The following DENND2B variants were observed in gnomAD, a reference collection of about 807,000 sequenced individuals.
DENND2B encodes the protein DENN domain-containing protein 2B.
DENND2B carries 32 observed loss-of-function variants against 116.0 expected under a neutral mutation model. That is an observed-to-expected ratio of 0.28 (90% CI 0.21 to 0.37). The LOEUF is 0.37. DENND2B is among the 10% of genes least tolerant of loss of function. The pLI is 1.00. For synonymous variants in DENND2B, 588 were observed against 583.9 expected (o/e 1.01, Z -0.10); for missense variants, 1,276 against 1,477.7 (o/e 0.86, Z 2.24).
rs761726759 is a variant in DENND2B, at chr11:8,711,617, C to G, written c.2173-386G>C. 1.4e-4 allele frequency among the ~76,000 whole-genome samples: 22 copies of G among 152,060 alleles called. 1 individual carries two copies. In the Middle Eastern group the frequency reaches 0.024, roughly 166 times the overall value. On this transcript the variant is annotated intron_variant, in intron 9 of 19. Transcript: ENST00000313726. ...CGCGGTGGTTCATGCCTGTTAATCCCAGCGCTTTGGGAGGCCGAGACTGGC... is the reference window on the plus strand; with the variant it reads ...CGCGGTGGTTCATGCCTGTTAATCCGAGCGCTTTGGGAGGCCGAGACTGGC...
chr11:8,910,747 T>G (rs2064312119), intron 1 of DENND2B: 2 of 153,414 alleles, frequency 1.3e-5, no homozygotes, highest in Non-Finnish European at 1.4e-5. Context: ...TCTACACGGG[T>G]TCTCGCTATG....
chr11:8,757,386 T>C lies in DENND2B; in HGVS notation c.-25-6661A>G, dbSNP rs569974133. On this transcript the variant is annotated intron_variant, in intron 1 of 19. Coordinates refer to ENST00000313726, the MANE Select transcript of DENND2B (RefSeq NM_213618.2). ...ACTATCATTCCATTCACTGACCCTA[T>C]GTGAGGCACTGTGCAAGGTGCTAGG... 1.3e-4 allele frequency among the ~76,000 whole-genome samples: 20 copies of C among 152,282 alleles called. No homozygotes were observed. The East Asian group carries it at 3.7e-3, about 28-fold the overall frequency.
At chr11:8,783,046 CTTTTTTTTTT>C (rs35035048) in intron 1 of DENND2B, among the ~76,000 whole-genome samples, 2 of 119,024 alleles carry the variant, frequency 1.7e-5, no homozygotes, top group African/African-American at 3.3e-5. Flanking sequence ...CACCACTTAC[CTTTTTTTTTT>C]TTTTTTTTTT....
chr11:8,880,435 G>A (rs1327207098), intron 2 of DENND2B, among the ~76,000 whole-genome samples: 1 of 151,382 alleles, frequency 6.6e-6, no homozygotes, highest in African/African-American at 2.4e-5. Context: ...AAGAGCCTCA[G>A]CTTTCCAGAA....
chr11:8,712,487 G>A lies in DENND2B; in HGVS notation c.2172+64C>T. 1 of 1,484,580 alleles carries A rather than the reference G, an allele frequency of 6.7e-7. No individual in the cohort carries two copies. The highest frequency in any genetic ancestry group is 9.1e-7 in the Non-Finnish European group (1 of 1,100,862). 92.0% of individuals were successfully genotyped at this position (1,484,580 alleles called of 1,614,324 possible). A position where few individuals can be genotyped will look rare whatever the true frequency, so the allele number is the denominator to read the frequency against. ...CAAGATCTCTCTCCTTCCCCAGATA[G>A]GCCTGGCGGATAGAGGATGGAAGAG... On this transcript the variant is annotated intron_variant, in intron 9 of 19. Coordinates refer to ENST00000313726, the MANE Select transcript of DENND2B (RefSeq NM_213618.2). The surrounding 1 kb of genome is among the most constrained non-coding windows in gnomAD (Gnocchi z 4.4).
At chr11:8,759,468 GA>G (rs2054191286) in intron 1 of DENND2B, among the ~76,000 whole-genome samples, 1 of 152,102 alleles carries the variant, frequency 6.6e-6, no homozygotes, top group African/African-American at 2.4e-5. Context: ...CAAGATGCCC[GA>G]AAATAGGAAA....
chr11:8,720,583 T>C (rs913438010), intron 4 of DENND2B, among the ~76,000 whole-genome samples: 4 of 152,330 alleles, frequency 2.6e-5, no homozygotes, highest in South Asian at 2.1e-4. Context: ...CTCCAGCAAA[T>C]AGACGGCTGG....
chr11:8,864,878 A>T (rs960638399), intron 2 of DENND2B, among the ~76,000 whole-genome samples: 13 of 152,184 alleles, frequency 8.5e-5, no homozygotes, highest in South Asian at 2.1e-4. Flanking sequence ...GAAAAAATTT[A>T]AAAAATCTAA....
chr11:8,723,076 G>T (rs945607426), intron 4 of DENND2B, among the ~76,000 whole-genome samples: 1 of 152,002 alleles, frequency 6.6e-6, no homozygotes, highest in Non-Finnish European at 1.5e-5. Context: ...CAGCTCTGTT[G>T]CCCCACCCCC....
At chr11:8,735,124 T>G (rs960955243) in intron 2 of DENND2B, among the ~76,000 whole-genome samples, 5 of 151,750 alleles carry the variant, frequency 3.3e-5, no homozygotes, top group Non-Finnish European at 5.9e-5. Flanking sequence ...GGTGATTTGC[T>G]TTGAGTATAA....
chr11:8,841,975 G>A (rs1043841065), intron 3 of DENND2B, among the ~76,000 whole-genome samples: 2 of 152,142 alleles, frequency 1.3e-5, no homozygotes, highest in African/African-American at 2.4e-5. Context: ...CATTCTCCAC[G>A]ATTTCAGCAC....
intron 1 of DENND2B, among the ~76,000 whole-genome samples, chr11:8,801,995 GAAA>G (rs35017643): frequency 2.2e-4 from 13 of 58,896 alleles, no homozygotes; most frequent in Non-Finnish European, 1.5e-4. Flanking sequence ...CTCTCTTGGG[GAAA>G]AAAAAAAAAA....
At chr11:8,819,938 T>C (rs1388513186) in intron 4 of DENND2B, among the ~76,000 whole-genome samples, 2 of 152,272 alleles carry the variant, frequency 1.3e-5, no homozygotes, top group African/African-American at 4.8e-5. Context: ...ATTAGGAGAA[T>C]TTGTACTGCC....
upstream of DENND2B, chr11:8,811,616 ATACATTTCTGCT>A: frequency 3.0e-6 from 1 of 335,436 alleles, no homozygotes; most frequent in Non-Finnish European, 5.4e-6. Flanking sequence ...CCTACCCAGC[ATACATTTCTGCT>A]TTGTAACATT....
intron 3 of DENND2B, among the ~76,000 whole-genome samples, chr11:8,849,321 C>T (rs547416011): frequency 6.0e-5 from 9 of 150,854 alleles, no homozygotes; most frequent in Non-Finnish European, 1.3e-4. Context: ...GGTGAAACCC[C>T]GTCTCTACTA....
In DENND2B at chr11:8,717,822, C is replaced by A. The variant is rs750532070; in HGVS notation, c.1548G>T (p.Gln516His). The change falls in exon 5 of 20, where the codon CAG (glutamine) becomes CAT (histidine). Residue 516 changes from glutamine to histidine, a missense_variant. Physicochemically the swap from Gln to His is conservative, Grantham distance 24. Transcript: ENST00000313726. ...AGTCCAAGGAGTTCTCAGACAGTTGCTGGGATTTTCGTCCTGCTCTTCGGC... is the reference window on the plus strand; with the variant it reads ...AGTCCAAGGAGTTCTCAGACAGTTGATGGGATTTTCGTCCTGCTCTTCGGC... ...LKSRRAGRKS[Q>H]QLSENSLDSL... 6.2e-7 allele frequency: 1 copy of A among 1,613,372 alleles called. No individual in the cohort carries two copies. Among genetic ancestry groups the A allele is most frequent in the Non-Finnish European group, 8.5e-7 (1 of 1,179,576 alleles).
intron 1 of DENND2B, among the ~76,000 whole-genome samples, chr11:8,887,126 G>A (rs1177867430): frequency 1.3e-5 from 2 of 152,082 alleles, no homozygotes; most frequent in Non-Finnish European, 1.5e-5. Flanking sequence ...CACCACGCCC[G>A]GCCTGTGAAG....
At chr11:8,733,855 A>G (rs969263739) in intron 2 of DENND2B, among the ~76,000 whole-genome samples, 1 of 152,212 alleles carries the variant, frequency 6.6e-6, no homozygotes, top group African/African-American at 2.4e-5. Context: ...CCCTGCTTCA[A>G]CTGAGGTTTC....
chr11:8,849,346 T>G (rs912862771), intron 3 of DENND2B, among the ~76,000 whole-genome samples: 3 of 151,068 alleles, frequency 2.0e-5, no homozygotes, highest in African/African-American at 7.3e-5. Context: ...CACAAAAATT[T>G]GCCAGGTGTG....
Sources: allele counts gnomAD v4.1 joint callset (sites outside exome capture counted in the v4.1 genomes callset), GRCh38; gene constraint gnomAD v4.1.1; non-coding constraint Gnocchi (gnomAD v3.1); transcripts MANE v1.5; gene names NCBI Gene and HGNC (gene_info 2026-07-23, HGNC 2026-07-21).